CDK14: variants seen among roughly 807,000 people sequenced by gnomAD.
CDK14 encodes cyclin dependent kinase 14, also known as cyclin-dependent kinase 14.
A neutral mutation model predicts 60.7 loss-of-function variants in CDK14; 34 were observed. The ratio of observed to expected loss-of-function variants is 0.56; its 90% CI spans 0.43 to 0.75. The LOEUF (loss-of-function observed/expected upper bound fraction) is 0.75, where lower values mean the gene tolerates loss of function less well. Ranked by LOEUF, CDK14 falls within the 30% of genes least tolerant of loss-of-function variation. CDK14 has a pLI of 0.00. For synonymous variants in CDK14, 197 were observed against 203.7 expected (o/e 0.97, Z 0.28); for missense variants, 482 against 564.1 (o/e 0.85, Z 1.47).
At chr7:90,671,458 G>T (rs1057353363) in intron 2 of CDK14, among the ~76,000 whole-genome samples, 1 of 152,214 alleles carries the variant, frequency 6.6e-6, no homozygotes, top group East Asian at 1.9e-4. Context: ...ACTAAAGAAA[G>T]AATTTTTTTT....
At chr7:90,765,813 G>GTC in intron 4 of CDK14, among the ~76,000 whole-genome samples, 1 of 152,194 alleles carries the variant, frequency 6.6e-6, no homozygotes, top group South Asian at 2.1e-4. Flanking sequence ...GAATAATCGA[G>GTC]TATGTATATA....
intron 11 of CDK14, among the ~76,000 whole-genome samples, chr7:91,078,407 G>C (rs2116216794): frequency 6.6e-6 from 1 of 152,292 alleles, no homozygotes; most frequent in South Asian, 2.1e-4. Flanking sequence ...AGGAATTCGA[G>C]ACCAGCCTGG....
At chr7:90,754,473 A>G (rs1312548916) in intron 4 of CDK14, among the ~76,000 whole-genome samples, 2 of 152,224 alleles carry the variant, frequency 1.3e-5, no homozygotes, top group Admixed American at 6.5e-5. Flanking sequence ...ATATATAAAA[A>G]TTAACTCAAG....
intron 3 of CDK14, among the ~76,000 whole-genome samples, chr7:90,740,358 G>A (rs2116776424): frequency 6.6e-6 from 1 of 151,928 alleles, no homozygotes; most frequent in East Asian, 1.9e-4. Flanking sequence ...AAATTCATAT[G>A]TTGAAGTCCC....
chr7:90,649,141 G>A (rs1800531755), intron 2 of CDK14, among the ~76,000 whole-genome samples: 1 of 152,104 alleles, frequency 6.6e-6, no homozygotes, highest in South Asian at 2.1e-4. Context: ...GGAGACACTG[G>A]TGGAGAACTG....
chr7:90,856,248 C>T (rs186451161), intron 5 of CDK14, among the ~76,000 whole-genome samples: 1 of 152,232 alleles, frequency 6.6e-6, no homozygotes, highest in East Asian at 1.9e-4. Flanking sequence ...TTTAACCTTA[C>T]GTTTAGAGTT....
intron 8 of CDK14, among the ~76,000 whole-genome samples, chr7:90,935,414 A>T (rs542795953): frequency 9.1e-4 from 139 of 152,382 alleles, no homozygotes; most frequent in Middle Eastern, 6.8e-3. Flanking sequence ...GGTTATTTTT[A>T]AAAGTAAATT....
chr7:90,822,780 T>C (rs1260598605), intron 5 of CDK14, among the ~76,000 whole-genome samples: 1 of 152,168 alleles, frequency 6.6e-6, no homozygotes, highest in Non-Finnish European at 1.5e-5. Context: ...AACTAATATC[T>C]GGTGTTGTAA....
chr7:90,998,615 G>A (rs544761478), intron 10 of CDK14, among the ~76,000 whole-genome samples: 2 of 152,326 alleles, frequency 1.3e-5, no homozygotes, highest in African/African-American at 4.8e-5. Flanking sequence ...TAGGCCGGGC[G>A]CGGTGGCTCA....
intron 2 of CDK14, among the ~76,000 whole-genome samples, chr7:90,691,377 C>G (rs1801549848): frequency 6.6e-6 from 1 of 152,022 alleles, no homozygotes; most frequent in Admixed American, 6.6e-5. Context: ...GAAGACTTCA[C>G]AGAAAAGATG....
intron 5 of CDK14, among the ~76,000 whole-genome samples, chr7:90,794,392 C>A (rs1805964786): frequency 6.6e-6 from 1 of 152,120 alleles, no homozygotes; most frequent in African/African-American, 2.4e-5. Flanking sequence ...TCCTAATAAG[C>A]CTGCGAGCTC....
rs146670775 is a variant in CDK14, at chr7:90,732,098, C to G, written c.369+5286C>G. Among the ~76,000 whole-genome samples, 533 of 152,208 alleles carry G rather than the reference C, an allele frequency of 3.5e-3. 2 individuals carry two copies. The highest frequency in any genetic ancestry group is 0.012 in the African/African-American group (500 of 41,524). ...CCCTTTCTGCATCTTTTGAGATAATCATGTGGTTTTTGTCCTTGGTTCCGT... is the reference window on the plus strand; with the variant it reads ...CCCTTTCTGCATCTTTTGAGATAATGATGTGGTTTTTGTCCTTGGTTCCGT... On this transcript the variant is annotated intron_variant, in intron 3 of 14. Coordinates refer to ENST00000380050, the MANE Select transcript of CDK14 (RefSeq NM_001287135.2).
chr7:91,130,586 A>T lies in CDK14; in HGVS notation c.*28+12378A>T, dbSNP rs576873614. 8.5e-4 allele frequency among the ~76,000 whole-genome samples: 128 copies of T among 151,448 alleles called. 1 individual carries two copies. The highest frequency in any genetic ancestry group is 2.5e-3 in the South Asian group (12 of 4,786). On this transcript the variant is annotated intron_variant, in intron 14 of 14. Coordinates refer to ENST00000380050, the MANE Select transcript of CDK14 (RefSeq NM_001287135.2). Reference sequence around the variant, plus strand: ...TTGAAGAAATTACTATTCAGCACAAATTTTTTTTTGCTATATGAAATGATT... The same window carrying T: ...TTGAAGAAATTACTATTCAGCACAATTTTTTTTTTGCTATATGAAATGATT...
chr7:91,034,945 TACACACACACACACAC>T (rs35003949), intron 10 of CDK14, among the ~76,000 whole-genome samples: 1 of 145,982 alleles, frequency 6.9e-6, no homozygotes, highest in Admixed American at 6.8e-5. Flanking sequence ...CACATACACA[TACACACACACACACAC>T]ACACACACAC....
chr7:90,812,204 C>T (rs1286518164), intron 5 of CDK14, among the ~76,000 whole-genome samples: 2 of 152,192 alleles, frequency 1.3e-5, no homozygotes, highest in African/African-American at 4.8e-5. Context: ...ATAGCAAAGA[C>T]TTGGAACCAA....
chr7:91,188,455 T>G (rs897756562), intron 14 of CDK14, among the ~76,000 whole-genome samples: 18 of 152,198 alleles, frequency 1.2e-4, no homozygotes, highest in Admixed American at 9.8e-4. Context: ...AATTCCAGAG[T>G]TGGACTGAGT....
intron 12 of CDK14, among the ~76,000 whole-genome samples, chr7:91,101,487 A>G (rs1799144610): frequency 6.6e-6 from 1 of 152,258 alleles, no homozygotes; most frequent in South Asian, 2.1e-4. Context: ...GAATAAGTGA[A>G]TAAGTATTGA....
chr7:90,742,456 G>A (rs1803385472), intron 3 of CDK14, among the ~76,000 whole-genome samples: 2 of 151,860 alleles, frequency 1.3e-5, no homozygotes, highest in African/African-American at 2.4e-5. Context: ...TGTTTATTTA[G>A]TTCTCTTTTT....
At chr7:90,659,600 A>G (rs1202055497) in intron 2 of CDK14, among the ~76,000 whole-genome samples, 1 of 152,186 alleles carries the variant, frequency 6.6e-6, no homozygotes, top group African/African-American at 2.4e-5. Context: ...TATTACCCTG[A>G]AACAGTACCT....
Sources: allele counts gnomAD v4.1 joint callset (sites outside exome capture counted in the v4.1 genomes callset), GRCh38; gene constraint gnomAD v4.1.1; transcripts MANE v1.5; gene names NCBI Gene and HGNC (gene_info 2026-07-23, HGNC 2026-07-21).